SUMF2: variants seen among roughly 807,000 people sequenced by gnomAD.
SUMF2 encodes sulfatase modifying factor 2, also known as inactive C-alpha-formylglycine-generating enzyme 2.
In SUMF2, 45 loss-of-function variants were observed where a neutral mutation model predicts 44.8. The observed-to-expected ratio is 1.00, with a 90% CI of 0.79 to 1.29. SUMF2 has a LOEUF of 1.29. Ranked by LOEUF, SUMF2 falls within the 50% of genes most tolerant of loss-of-function variation. The pLI, the probability that SUMF2 is intolerant of heterozygous loss-of-function variation, is 0.00. For missense variants in SUMF2, 418 were observed against 389.9 expected (o/e 1.07, Z -0.61); for synonymous variants, 148 against 150.4 (o/e 0.98, Z 0.12).
Position 56,068,641 on chromosome 7 carries a change from A to T in SUMF2, c.224+3A>T, listed in dbSNP as rs1479550252. ...CCTGTCACCAACAAAGATTTCAGGT[A>T]CATCAGGTATTCTTCCAGGAGGAAT... is the stretch of plus-strand genomic sequence containing the variant. On this transcript the variant is annotated splice_donor_region_variant and intron_variant, in intron 2 of 8. Coordinates refer to ENST00000434526, the MANE Select transcript of SUMF2 (RefSeq NM_015411.4). The T allele has an allele frequency of 1.9e-6, 3 of 1,612,714 alleles. No individual in the cohort carries two copies. Among genetic ancestry groups the T allele is most frequent in the South Asian group, 2.2e-5 (2 of 90,916 alleles).
downstream of SUMF2, among the ~76,000 whole-genome samples, chr7:56,082,933 C>T (rs548097137): frequency 4.6e-5 from 7 of 152,158 alleles, no homozygotes; most frequent in African/African-American, 1.7e-4. Flanking sequence ...TGGTGAAACC[C>T]TGTCTCTACT....
downstream of SUMF2, chr7:56,083,157 T>G: frequency 1.2e-6 from 1 of 805,492 alleles, no homozygotes; most frequent in Non-Finnish European, 1.9e-6. Flanking sequence ...GCCCTTGAAA[T>G]GGTGGAATTT....
At chr7:56,078,824 T>C in intron 8 of SUMF2, 1 of 437,858 alleles carries the variant, frequency 2.3e-6, no homozygotes, top group Non-Finnish European at 4.0e-6. Context: ...GGGAGGGAAG[T>C]AGAATGACCA....
chr7:56,084,008 T>A (rs1796143227), downstream of SUMF2: 6 of 619,102 alleles, frequency 9.7e-6, no homozygotes, highest in Admixed American at 5.8e-5. Context: ...CCTGGAAAAA[T>A]TTTTCCCACC....
rs372776385 is a variant in SUMF2 at position 56,075,414 on chromosome 7, C to T, written c.535+678C>T. ...GATTAATGTTAAGAGTCACTGTTTG[C>T]GGCCGGGCGCAGTGGCTCACGCCTG... On this transcript the variant is annotated intron_variant, in intron 5 of 8. Coordinates refer to ENST00000434526, the MANE Select transcript of SUMF2 (RefSeq NM_015411.4). Among the ~76,000 whole-genome samples the T allele has an allele frequency of 7.3e-5, 11 of 151,570 alleles. No individual in the cohort carries two copies. The East Asian group carries it at 7.9e-4, about 11-fold the overall frequency.
chr7:56,082,801 A>T (rs531222172), downstream of SUMF2, among the ~76,000 whole-genome samples: 4 of 152,014 alleles, frequency 2.6e-5, no homozygotes, highest in East Asian at 7.8e-4. Context: ...CTGGGAGAGG[A>T]CTTACCTGAA....
chr7:56,082,228 C>T (rs1435322298), downstream of SUMF2: 1 of 1,613,774 alleles, frequency 6.2e-7, no homozygotes, highest in South Asian at 1.1e-5. Flanking sequence ...TCTCAGGGGC[C>T]AGGTAACTGG....
chr7:56,067,215 T>G (rs1794864315), intron 1 of SUMF2, among the ~76,000 whole-genome samples: 2 of 152,150 alleles, frequency 1.3e-5, no homozygotes, highest in Non-Finnish European at 2.9e-5. Context: ...AGGGCTTGTG[T>G]AGAGGAAGAA....
At chr7:56,065,190 CAAAA>C (rs60513641) in intron 1 of SUMF2, among the ~76,000 whole-genome samples, 9 of 56,554 alleles carry the variant, frequency 1.6e-4, no homozygotes, top group Non-Finnish European at 2.0e-4. Flanking sequence ...GACTCCGTCT[CAAAA>C]AAAAAAAAAA....
Position 56,078,520 on chromosome 7 carries a change from G to T in SUMF2, c.821+12G>T. 3.9e-6 allele frequency: 6 copies of T among 1,543,416 alleles called. No homozygotes were observed. Among genetic ancestry groups the T allele is most frequent in the Non-Finnish European group, 4.4e-6 (5 of 1,143,598 alleles). On this transcript the variant is annotated intron_variant, in intron 8 of 8. Coordinates refer to ENST00000434526, the MANE Select transcript of SUMF2 (RefSeq NM_015411.4). ...CGGGTCACCACCAGGTAAGGGGCTT[G>T]GTCCCAGGCAACACGGGGCCTTGTA...
chr7:56,078,297 G>C, intron 7 of SUMF2, 67 bp from the exon 8 acceptor site: 2 of 1,559,734 alleles, frequency 1.3e-6, no homozygotes, highest in Non-Finnish European at 1.7e-6. Context: ...TGGCCCCCAG[G>C]ACCTCAGAGG....
At chr7:56,085,769 A>C in the SUMF2 span, among the ~76,000 whole-genome samples, 11 of 152,020 alleles carry the variant, frequency 7.2e-5, no homozygotes, top group African/African-American at 2.4e-4. Context: ...GTTCGAGACC[A>C]GACTGGCCAA....
chr7:56,079,506 C>A, intron 8 of SUMF2, 22 bp from the exon 9 acceptor site: 1 of 1,604,296 alleles, frequency 6.2e-7, no homozygotes, highest in Middle Eastern at 1.7e-4. Context: ...TGTCTGTCCT[C>A]TCTCCCCTTC....
chr7:56,080,483 C>G lies in SUMF2; in HGVS notation c.*871C>G, dbSNP rs571348443. 6.2e-6 allele frequency: 1 copy of G among 161,082 alleles called. No homozygotes were observed. The highest frequency in any genetic ancestry group is 1.4e-5 in the Non-Finnish European group (1 of 74,040). The allele number at this position is 161,082 out of a possible 1,614,324, so 10.0% of individuals were successfully genotyped here. A position where few individuals can be genotyped will look rare whatever the true frequency, so the allele number is the denominator to read the frequency against. On this transcript the variant is annotated 3_prime_UTR_variant, in exon 9 of 9. Transcript: ENST00000434526. Reference sequence around the variant, plus strand: ...CTCGCTCTGTTGCCCAGGGTGGTCTCGAACTCCTGGCCTCAAGCGATCCTC... The same window carrying G: ...CTCGCTCTGTTGCCCAGGGTGGTCTGGAACTCCTGGCCTCAAGCGATCCTC...
At chr7:56,081,935 G>T (rs202235154), downstream of SUMF2, 1 of 1,613,858 alleles carries the variant, frequency 6.2e-7, no homozygotes, top group Non-Finnish European at 8.5e-7. The surrounding 1 kb of genome is among the most constrained non-coding windows in gnomAD (Gnocchi z 4.6). Flanking sequence ...ACTCGGGCGA[G>T]CCAAACTGGT....
In SUMF2 at chr7:56,076,828, T is replaced by G; in HGVS notation, c.536-6T>G. 2 of 1,595,480 alleles carry G rather than the reference T, an allele frequency of 1.3e-6. No homozygotes were observed. Among genetic ancestry groups the G allele is most frequent in the Non-Finnish European group, 1.7e-6 (2 of 1,170,050 alleles). On this transcript the variant is annotated splice_region_variant and splice_polypyrimidine_tract_variant and intron_variant, in intron 5 of 8. Transcript: ENST00000434526. ...CTCCTCTGCTGCCTCCTTGCTCTCC[T>G]CGCAGGTCAAGTTTACCCATGGGGG...
chr7:56,074,096 C>G, intron 3 of SUMF2, 78 bp from the exon 4 acceptor site: 1 of 1,265,714 alleles, frequency 7.9e-7, no homozygotes, highest in Non-Finnish European at 1.1e-6. Context: ...CGTCTCTGTT[C>G]TGCGTCCTGT....
chr7:56,087,628 G>A, the SUMF2 span: 1 of 1,613,914 alleles, frequency 6.2e-7, no homozygotes, highest in African/African-American at 1.3e-5. Context: ...ACCTTGCGCA[G>A]GATGTCCACC....
intron 2 of SUMF2, among the ~76,000 whole-genome samples, chr7:56,068,932 C>T (rs1191118543): frequency 4.6e-5 from 7 of 151,274 alleles, no homozygotes; most frequent in East Asian, 2.0e-4. Context: ...AGGCTGGGCT[C>T]GAACTCCTGA....
Sources: gnomAD v4.1 joint callset for allele counts (sites outside exome capture counted in the v4.1 genomes callset) on GRCh38, gnomAD v4.1.1 for gene constraint, Gnocchi (gnomAD v3.1) non-coding constraint, MANE v1.5 for transcripts, NCBI Gene and HGNC (gene_info 2026-07-23, HGNC 2026-07-21) for gene names.